INTS15: variants seen among roughly 807,000 people sequenced by gnomAD.
INTS15 encodes the protein integrator complex subunit 15.
the INTS15 span, among the ~76,000 whole-genome samples, chr7:6,598,326 C>G: frequency 2.0e-5 from 3 of 151,994 alleles, no homozygotes; most frequent in Admixed American, 6.6e-5. Flanking sequence ...AAAAATTAGC[C>G]AGTGTGGTGG....
chr7:6,601,951 C>T, the INTS15 span: 1 of 705,350 alleles, frequency 1.4e-6, no homozygotes, highest in Non-Finnish European at 2.4e-6. Context: ...GCCACTGCGC[C>T]CGGCTAGAAC....
the INTS15 span, among the ~76,000 whole-genome samples, chr7:6,604,698 A>G: frequency 1.3e-5 from 2 of 152,186 alleles, no homozygotes; most frequent in South Asian, 4.1e-4. Flanking sequence ...AGAAACATGC[A>G]TAACTCGAGT....
At chr7:6,607,526 C>A in the INTS15 span, 1 of 1,312,232 alleles carries the variant, frequency 7.6e-7, no homozygotes, top group Non-Finnish European at 1.0e-6. The surrounding 1 kb of genome is among the most constrained non-coding windows in gnomAD (Gnocchi z 6.0). Flanking sequence ...CGGACTCATT[C>A]TGAATTTCAG....
At chr7:6,592,177 AAAAG>A in the INTS15 span, among the ~76,000 whole-genome samples, 1 of 151,674 alleles carries the variant, frequency 6.6e-6, no homozygotes, top group African/African-American at 2.4e-5. Context: ...TCTCAAAAAA[AAAAG>A]AGTCTCCCCT....
the INTS15 span, chr7:6,607,534 C>T: frequency 7.6e-7 from 1 of 1,315,924 alleles, no homozygotes; most frequent in Non-Finnish European, 1.0e-6. The surrounding 1 kb of genome is among the most constrained non-coding windows in gnomAD (Gnocchi z 6.0). Flanking sequence ...TTCTGAATTT[C>T]AGGACTCTGA....
At chr7:6,594,778 T>C in the INTS15 span, among the ~76,000 whole-genome samples, 2 of 151,880 alleles carry the variant, frequency 1.3e-5, no homozygotes, top group Admixed American at 1.3e-4. Flanking sequence ...TGGAGTGCAG[T>C]GGTGTTATCT....
the INTS15 span, chr7:6,590,260 C>G: frequency 8.0e-5 from 120 of 1,492,468 alleles, no homozygotes; most frequent in African/African-American, 9.3e-4. Flanking sequence ...ACGCGCTCGG[C>G]GCGGGGGCCG....
the INTS15 span, chr7:6,602,392 C>T: frequency 2.0e-6 from 1 of 498,110 alleles, no homozygotes; most frequent in Non-Finnish European, 3.6e-6. Flanking sequence ...GAAGGTGCAC[C>T]TGTTGAGTGG....
At chr7:6,595,532 A>T in the INTS15 span, among the ~76,000 whole-genome samples, 1 of 152,186 alleles carries the variant, frequency 6.6e-6, no homozygotes, top group Non-Finnish European at 1.5e-5. Context: ...GCAGTTTGCT[A>T]AGAGGGAACT....
At chr7:6,605,696 A>G in the INTS15 span, among the ~76,000 whole-genome samples, 1 of 151,414 alleles carries the variant, frequency 6.6e-6, no homozygotes, top group South Asian at 2.1e-4. Context: ...TACCTCCTAC[A>G]TTTCTTTTCT....
At chr7:6,605,290 CTT>C in the INTS15 span, among the ~76,000 whole-genome samples, 1 of 152,042 alleles carries the variant, frequency 6.6e-6, no homozygotes, top group African/African-American at 2.4e-5. Flanking sequence ...TACCTGGCCT[CTT>C]TTTCCTTTTT....
At chr7:6,594,685 C>G in the INTS15 span, 1 of 1,267,004 alleles carries the variant, frequency 7.9e-7, no homozygotes, top group Non-Finnish European at 1.1e-6. Context: ...GGTGAAGTGT[C>G]CAGTGAATGC....
chr7:6,594,469 A>G, the INTS15 span: 1 of 1,614,118 alleles, frequency 6.2e-7, no homozygotes, highest in Non-Finnish European at 8.5e-7. Flanking sequence ...AGGTTAGCCA[A>G]GGCCCTTGTA....
chr7:6,607,999 G>T, the INTS15 span: 1 of 1,600,044 alleles, frequency 6.2e-7, no homozygotes. The surrounding 1 kb of genome is among the most constrained non-coding windows in gnomAD (Gnocchi z 6.0). Context: ...TGCAGCAGTC[G>T]CCTCACGCCG....
the INTS15 span, among the ~76,000 whole-genome samples, chr7:6,599,117 A>C: frequency 6.6e-6 from 1 of 152,140 alleles, no homozygotes; most frequent in Admixed American, 6.6e-5. Context: ...ATCACTTGAC[A>C]TGACTGTCCC....
At chr7:6,591,613 TTTC>T in the INTS15 span, 2 of 1,591,090 alleles carry the variant, frequency 1.3e-6, no homozygotes, top group Non-Finnish European at 1.7e-6. Context: ...TACAGCCACA[TTTC>T]TTAACGCTTT....
the INTS15 span, among the ~76,000 whole-genome samples, chr7:6,604,107 G>A: frequency 6.6e-6 from 1 of 152,112 alleles, no homozygotes; most frequent in South Asian, 2.1e-4. Context: ...AGACAGTCTT[G>A]CTTTGTTGCA....
At chr7:6,603,321 G>A in the INTS15 span, among the ~76,000 whole-genome samples, 3 of 152,006 alleles carry the variant, frequency 2.0e-5, no homozygotes, top group Non-Finnish European at 4.4e-5. Flanking sequence ...AACGAGGCAG[G>A]TGGATCACTT....
chr7:6,590,731 T>C, the INTS15 span, among the ~76,000 whole-genome samples: 1 of 152,268 alleles, frequency 6.6e-6, no homozygotes, highest in African/African-American at 2.4e-5. Context: ...GCCCGCTCCC[T>C]AGAGGTCTGT....
Sources: gnomAD v4.1 joint callset for allele counts (sites outside exome capture counted in the v4.1 genomes callset) on GRCh38, gnomAD v4.1.1 for gene constraint, Gnocchi (gnomAD v3.1) non-coding constraint, MANE v1.5 for transcripts, NCBI Gene and HGNC (gene_info 2026-07-23, HGNC 2026-07-21) for gene names.